The following SGK1 variants were observed in gnomAD, a reference collection of about 807,000 sequenced individuals.
SGK1 encodes serine/threonine-protein kinase Sgk1.
A neutral mutation model predicts 64.2 loss-of-function variants in SGK1; 26 were observed. That is an observed-to-expected ratio of 0.40 (90% CI 0.30 to 0.56). The LOEUF is 0.56. SGK1 is among the 20% of genes least tolerant of loss of function. SGK1 has a pLI of 0.38. For missense variants in SGK1, 519 were observed against 645.6 expected, an observed-to-expected ratio of 0.80 and a Z score of 2.12; for synonymous variants, 265 against 239.7, an observed-to-expected ratio of 1.11 and a Z score of -0.98.
intron 1 of SGK1, among the ~76,000 whole-genome samples, chr6:134,306,915 G>A (rs1256792606): frequency 1.4e-5 from 2 of 147,314 alleles, no homozygotes; most frequent in Non-Finnish European, 3.0e-5. Context: ...AATAAAAGGG[G>A]GGGGGGGCGG....
At chr6:134,236,543 C>T (rs2114719946) in intron 2 of SGK1, among the ~76,000 whole-genome samples, 1 of 152,208 alleles carries the variant, frequency 6.6e-6, no homozygotes, top group African/African-American at 2.4e-5. Flanking sequence ...GGGAGGATCA[C>T]CTGAGTCTTT....
At position 134,180,895 on chromosome 6, in the gene SGK1, G is replaced by A. The variant is rs565506363; in HGVS notation, c.362-6309C>T. 2.5e-3 allele frequency among the ~76,000 whole-genome samples: 372 copies of A among 151,216 alleles called. 2 individuals are homozygous for A. Among genetic ancestry groups the A allele is most frequent in the African/African-American group, 8.2e-3 (338 of 41,276 alleles). The stretch of plus-strand genomic sequence containing the variant: ...TCAAAAAAAAAAAAAAAAGGACTCT[G>A]GCCTTATATTTTTGGCATGCCTTTA... On this transcript the variant is annotated intron_variant, in intron 3 of 13. Transcript: ENST00000367858.
intron 2 of SGK1, among the ~76,000 whole-genome samples, chr6:134,228,572 C>A (rs1776223908): frequency 6.6e-6 from 1 of 152,140 alleles, no homozygotes; most frequent in South Asian, 2.1e-4. Context: ...ATTCAGAAGC[C>A]AATTTTTTGT....
intron 1 of SGK1, among the ~76,000 whole-genome samples, chr6:134,276,065 T>C (rs535504502): frequency 3.9e-5 from 6 of 152,328 alleles, no homozygotes; most frequent in African/African-American, 1.4e-4. Context: ...TCCCTCTTCC[T>C]AGCTTATTCC....
At chr6:134,249,339 C>G (rs1406156369) in intron 2 of SGK1, 1 of 152,184 alleles carries the variant, frequency 6.6e-6, no homozygotes, top group African/African-American at 2.4e-5. Flanking sequence ...AACCCGAATT[C>G]TGTTCCCCAG....
chr6:134,297,904 T>G lies in SGK1; in HGVS notation c.69+19488A>C. The G allele has an allele frequency of 9.9e-6, 8 of 807,572 alleles. No individual in the cohort carries two copies. The Admixed American group carries it at 1.4e-4, about 14-fold the overall frequency. The allele number at this position is 807,572 out of a possible 1,614,324, so 50.0% of individuals were successfully genotyped here. The stretch of plus-strand genomic sequence containing the variant: ...TACATGCTCTCAGCCTCACTCCGGC[T>G]GCGGTTGGTGATCTCCTCGTACTGC... On this transcript the variant is annotated intron_variant, in intron 1 of 13. Coordinates refer to ENST00000367858, the MANE Select transcript of SGK1 (RefSeq NM_001143676.3).
intron 2 of SGK1, chr6:134,211,464 C>A: frequency 6.3e-6 from 1 of 159,130 alleles, no homozygotes; most frequent in Admixed American, 6.3e-5. Context: ...TCTACAAGAG[C>A]CATTAGTGAA....
At chr6:134,216,041 C>T (rs1775974761) in intron 2 of SGK1, among the ~76,000 whole-genome samples, 1 of 152,040 alleles carries the variant, frequency 6.6e-6, no homozygotes, top group African/African-American at 2.4e-5. Flanking sequence ...AACATTTCTT[C>T]AACAAAATAA....
intron 3 of SGK1, among the ~76,000 whole-genome samples, chr6:134,181,334 T>C (rs1775327980): frequency 6.6e-6 from 1 of 152,024 alleles, no homozygotes; most frequent in Admixed American, 6.6e-5. Context: ...CTCCCGTTTG[T>C]TTTCTTTCTT....
At chr6:134,247,263 AG>A (rs1026155994) in intron 2 of SGK1, among the ~76,000 whole-genome samples, 5 of 152,174 alleles carry the variant, frequency 3.3e-5, no homozygotes, top group African/African-American at 1.2e-4. Context: ...TCCAGAGCAG[AG>A]GGGGAAAATC....
chr6:134,193,328 A>G (rs1176935596), intron 3 of SGK1, among the ~76,000 whole-genome samples: 1 of 152,226 alleles, frequency 6.6e-6, no homozygotes, highest in African/African-American at 2.4e-5. Context: ...CAATTTCACC[A>G]TAAGCTAATT....
rs776383069 is a variant in SGK1 at position 134,175,621 on chromosome 6, T to C, written c.362-1035A>G. 5 of 1,541,894 alleles carry C rather than the reference T, an allele frequency of 3.2e-6. No individual in the cohort carries two copies. In the East Asian group the frequency reaches 1.3e-4, roughly 39 times the overall value. On this transcript the variant is annotated intron_variant, in intron 3 of 13. Coordinates refer to ENST00000367858, the MANE Select transcript of SGK1 (RefSeq NM_001143676.3). ...TTTGTGGCGGGGCCGCAGCAGGGAC[T>C]CGAGCCGGGCTCTGGCCAGCGCGCC...
At chr6:134,246,141 CTTTTCTTTT>C (rs1171778217) in intron 2 of SGK1, among the ~76,000 whole-genome samples, 1 of 151,492 alleles carries the variant, frequency 6.6e-6, no homozygotes, top group African/African-American at 2.4e-5. Flanking sequence ...AGGCTTGTTT[CTTTTCTTTT>C]TTTTCTTTTT....
chr6:134,178,632 T>A (rs1050671465), intron 3 of SGK1, among the ~76,000 whole-genome samples: 2 of 152,210 alleles, frequency 1.3e-5, no homozygotes, highest in African/African-American at 4.8e-5. Flanking sequence ...CCTCCCGAAC[T>A]GTTTGTAAAT....
chr6:134,274,186 G>A (rs947778039), intron 1 of SGK1, among the ~76,000 whole-genome samples: 1 of 152,094 alleles, frequency 6.6e-6, no homozygotes, highest in East Asian at 1.9e-4. Context: ...TGTATTTTTA[G>A]TAGAGATGGG....
In SGK1 at chr6:134,261,950, T is replaced by C. The variant is rs1776771835; in HGVS notation, c.268A>G (p.Thr90Ala). 2.5e-6 allele frequency: 4 copies of C among 1,612,934 alleles called. No homozygotes were observed. Among genetic ancestry groups the C allele is most frequent in the South Asian group, 1.1e-5 (1 of 91,058 alleles). The change falls in exon 2 of 14, where the codon ACT becomes GCT. Residue 90 changes from threonine to alanine, a missense_variant. Coordinates refer to ENST00000367858, the MANE Select transcript of SGK1 (RefSeq NM_001143676.3). ...PQENESCSWE[T>A]QSGCEVREPC... ...GAACTTACTTCACACCCAGATTGAGTTTCCCATGAACATGACTCGTTCTCC... is the reference window on the plus strand; with the variant it reads ...GAACTTACTTCACACCCAGATTGAGCTTCCCATGAACATGACTCGTTCTCC...
intron 3 of SGK1, among the ~76,000 whole-genome samples, chr6:134,199,700 T>C (rs1775652841): frequency 6.6e-6 from 1 of 151,154 alleles, no homozygotes; most frequent in African/African-American, 2.4e-5. Flanking sequence ...CGCATAATCC[T>C]GGAAATATAA....
chr6:134,174,820 G>T (rs762064420), intron 3 of SGK1: 1 of 1,614,018 alleles, frequency 6.2e-7, no homozygotes, highest in Admixed American at 1.7e-5. Flanking sequence ...CCACCGCGGG[G>T]AGACAGAAAG....
At chr6:134,228,081 G>A (rs948541934) in intron 2 of SGK1, among the ~76,000 whole-genome samples, 4 of 150,098 alleles carry the variant, frequency 2.7e-5, no homozygotes, top group South Asian at 4.2e-4. Flanking sequence ...TCAGCCTCCC[G>A]AGTAGCTGGG....
Sources: gnomAD v4.1 joint callset for allele counts (sites outside exome capture counted in the v4.1 genomes callset) on GRCh38, gnomAD v4.1.1 for gene constraint, MANE v1.5 for transcripts, NCBI Gene and HGNC (gene_info 2026-07-23, HGNC 2026-07-21) for gene names.